The following PLPPR1 variants were observed in gnomAD, a reference collection of about 807,000 sequenced individuals.
PLPPR1 encodes phospholipid phosphatase related 1.
Under a neutral mutation model 33.1 loss-of-function variants are expected in PLPPR1, and 10 were observed. That is an observed-to-expected ratio of 0.30 (90% confidence interval 0.19 to 0.51). The LOEUF (loss-of-function observed/expected upper bound fraction) is 0.51, where lower values mean the gene tolerates loss of function less well. PLPPR1 is among the 20% of genes least tolerant of loss of function. The pLI, the probability that PLPPR1 is intolerant of heterozygous loss-of-function variation, is 0.97. For synonymous variants in PLPPR1, 151 were observed against 151.0 expected, an observed-to-expected ratio of 1.00 and a Z score of 0.00; for missense variants, 304 against 408.1, an observed-to-expected ratio of 0.74 and a Z score of 2.20.
intron 3 of PLPPR1, among the ~76,000 whole-genome samples, chr9:101,274,378 T>C (rs553434596): frequency 6.6e-6 from 1 of 152,306 alleles, no homozygotes; most frequent in African/African-American, 2.4e-5. Context: ...TTGCTGAAGG[T>C]TCCACCTGGT....
intron 2 of PLPPR1, among the ~76,000 whole-genome samples, chr9:101,237,552 A>G (rs1356421918): frequency 6.6e-6 from 1 of 150,500 alleles, no homozygotes; most frequent in African/African-American, 2.4e-5. Context: ...TTGGAGAATA[A>G]GCCTATATAT....
chr9:101,279,071 ATGC>A (rs1257021794), intron 3 of PLPPR1, among the ~76,000 whole-genome samples: 1 of 152,326 alleles, frequency 6.6e-6, no homozygotes, highest in African/African-American at 2.4e-5. Context: ...ACAAAATAAA[ATGC>A]TGCTAACTGA....
intron 2 of PLPPR1, among the ~76,000 whole-genome samples, chr9:101,263,650 T>G (rs974496266): frequency 5.3e-5 from 8 of 152,138 alleles, no homozygotes. Context: ...AACCTGACTT[T>G]CCCCTAGGCC....
At chr9:101,262,409 T>C (rs1184235896) in intron 2 of PLPPR1, among the ~76,000 whole-genome samples, 1 of 152,232 alleles carries the variant, frequency 6.6e-6, no homozygotes, top group Non-Finnish European at 1.5e-5. Flanking sequence ...TCTTCCATTC[T>C]ATTTCAGAGT....
At chr9:101,082,551 C>T (rs1237147844) in intron 1 of PLPPR1, among the ~76,000 whole-genome samples, 1 of 152,158 alleles carries the variant, frequency 6.6e-6, no homozygotes. Context: ...ATGCATTAAA[C>T]TGGATTGGAT....
At chr9:101,249,723 TG>T (rs1827682963) in intron 2 of PLPPR1, among the ~76,000 whole-genome samples, 2 of 152,182 alleles carry the variant, frequency 1.3e-5, no homozygotes, top group East Asian at 3.9e-4. Context: ...CGTTATGAAA[TG>T]GTACAGGTTT....
rs2118916071 is a variant in PLPPR1, at chr9:101,286,237, G to T, written c.385+1G>T. ...CTTCGAAGGATCATAAGATTCACAG[G>T]TGAGTACAAGATGGTGCTGAACTAA... On this transcript the variant is annotated splice_donor_variant, in intron 4 of 7. Transcript: ENST00000374874. LOFTEE classifies it high-confidence loss of function. The T allele has an allele frequency of 6.2e-7, 1 of 1,613,382 alleles. No homozygotes were observed.
At chr9:101,172,793 C>G (rs1266974204) in intron 1 of PLPPR1, among the ~76,000 whole-genome samples, 4 of 152,050 alleles carry the variant, frequency 2.6e-5, no homozygotes, top group Non-Finnish European at 5.9e-5. Flanking sequence ...CCTGGATTCC[C>G]CTTGTTGTAT....
intron 4 of PLPPR1, among the ~76,000 whole-genome samples, chr9:101,295,647 A>G (rs1395680569): frequency 2.0e-5 from 3 of 150,496 alleles, no homozygotes; most frequent in Non-Finnish European, 4.5e-5. Context: ...AAATAACGCC[A>G]CATATCTACA....
At chr9:101,035,679 G>A (rs1830001607) in intron 1 of PLPPR1, among the ~76,000 whole-genome samples, 1 of 152,136 alleles carries the variant, frequency 6.6e-6, no homozygotes, top group African/African-American at 2.4e-5. Flanking sequence ...TAAGCGTTCA[G>A]TAAACGTTTT....
At chr9:101,275,130 G>A (rs764262548) in intron 3 of PLPPR1, among the ~76,000 whole-genome samples, 8 of 152,198 alleles carry the variant, frequency 5.3e-5, no homozygotes, top group South Asian at 2.1e-4. Context: ...ATAATGAAGC[G>A]TGACGCCTCT....
intron 4 of PLPPR1, among the ~76,000 whole-genome samples, chr9:101,302,562 CT>C (rs1424151336): frequency 2.0e-5 from 3 of 152,186 alleles, no homozygotes; most frequent in Non-Finnish European, 4.4e-5. Context: ...CAAAAGTAAA[CT>C]GTATGTGTTT....
At chr9:101,290,873 T>A (rs1177096346) in intron 4 of PLPPR1, among the ~76,000 whole-genome samples, 1 of 152,182 alleles carries the variant, frequency 6.6e-6, no homozygotes, top group African/African-American at 2.4e-5. Context: ...AGATGGGTGA[T>A]TTCTGCATTT....
intron 3 of PLPPR1, among the ~76,000 whole-genome samples, chr9:101,272,193 C>T (rs373037198): frequency 1.4e-4 from 21 of 152,202 alleles, no homozygotes; most frequent in African/African-American, 4.8e-4. Flanking sequence ...TGTAGCAAAG[C>T]TGAATATATG....
chr9:101,077,375 G>T (rs930689309), intron 1 of PLPPR1, among the ~76,000 whole-genome samples: 1 of 152,036 alleles, frequency 6.6e-6, no homozygotes, highest in African/African-American at 2.4e-5. Flanking sequence ...AACCATTTGT[G>T]TATTACTTGA....
intron 2 of PLPPR1, among the ~76,000 whole-genome samples, chr9:101,237,429 C>A (rs932337489): frequency 6.6e-6 from 1 of 150,878 alleles, no homozygotes; most frequent in African/African-American, 2.4e-5. Context: ...CTTAAGTGTT[C>A]ATCAACTGAT....
intron 2 of PLPPR1, among the ~76,000 whole-genome samples, chr9:101,251,183 T>A (rs1331711238): frequency 6.6e-6 from 1 of 152,088 alleles, no homozygotes; most frequent in Non-Finnish European, 1.5e-5. Context: ...TTACAGCCTC[T>A]CCCATGTGGA....
chr9:101,316,886 C>A (rs115647279), intron 6 of PLPPR1, among the ~76,000 whole-genome samples: 3 of 152,028 alleles, frequency 2.0e-5, no homozygotes, highest in African/African-American at 7.3e-5. Flanking sequence ...GATTTAAGGG[C>A]TCTGGAGTTT....
intron 2 of PLPPR1, among the ~76,000 whole-genome samples, chr9:101,205,550 T>C (rs146592067): frequency 6.6e-6 from 1 of 152,330 alleles, no homozygotes; most frequent in African/African-American, 2.4e-5. Context: ...ATCATATGTA[T>C]TTAAACATTT....
Sources: allele counts gnomAD v4.1 joint callset (sites outside exome capture counted in the v4.1 genomes callset), GRCh38; gene constraint gnomAD v4.1.1; transcripts MANE v1.5; gene names NCBI Gene and HGNC (gene_info 2026-07-23, HGNC 2026-07-21).